Variants in PGGT1B observed in about 807,000 individuals in gnomAD.
PGGT1B encodes the protein protein geranylgeranyltransferase type I subunit beta.
PGGT1B carries 30 observed loss-of-function variants against 46.1 expected under a neutral mutation model. The ratio of observed to expected loss-of-function variants is 0.65; its 90% CI spans 0.49 to 0.88. PGGT1B has a LOEUF of 0.88. PGGT1B is among the 40% of genes least tolerant of loss of function. The probability of loss-of-function intolerance (pLI) is 0.00; values close to 1 mark genes in which losing one functional copy is unlikely to be tolerated. For missense variants in PGGT1B, 376 were observed against 455.9 expected, an observed-to-expected ratio of 0.82 and a Z score of 1.60; for synonymous variants, 170 against 160.0, an observed-to-expected ratio of 1.06 and a Z score of -0.47.
intron 8 of PGGT1B, among the ~76,000 whole-genome samples, chr5:115,213,536 C>T (rs988706678): frequency 7.9e-5 from 12 of 152,040 alleles, no homozygotes; most frequent in Admixed American, 5.9e-4. Context: ...TTTGGGAGGC[C>T]GAGAAGGGCA....
At position 115,216,854 on chromosome 5, in the gene PGGT1B, A is replaced by T; in HGVS notation, c.952+11T>A. 7.3e-7 allele frequency: 1 copy of T among 1,360,992 alleles called. No individual in the cohort carries two copies. Among genetic ancestry groups the T allele is most frequent in the Non-Finnish European group, 1.0e-6 (1 of 953,248 alleles). 84.3% of individuals were successfully genotyped at this position (1,360,992 alleles called of 1,614,324 possible). A position where few individuals can be genotyped will look rare whatever the true frequency, so the allele number is the denominator to read the frequency against. On this transcript the variant is annotated intron_variant, in intron 8 of 8. Transcript: ENST00000419445. ...ATAAAGGTTGTTCTGATTCACAAAG[A>T]AAATAATTACCTGGATGACTGTCTG...
chr5:115,222,030 C>A, intron 6 of PGGT1B, 22 bp from the exon 7 acceptor site: 2 of 1,443,034 alleles, frequency 1.4e-6, no homozygotes, highest in Non-Finnish European at 1.8e-6. Context: ...AACCACACAA[C>A]GTTTTAAACT....
At chr5:115,257,219 GAAC>G (rs1748357582) in intron 1 of PGGT1B, among the ~76,000 whole-genome samples, 1 of 151,922 alleles carries the variant, frequency 6.6e-6, no homozygotes, top group African/African-American at 2.4e-5. Flanking sequence ...GATTAAATAA[GAAC>G]AACAAGAAGG....
At chr5:115,253,283 C>G in intron 1 of PGGT1B, 28 bp from the exon 2 acceptor site, 2 of 1,551,602 alleles carry the variant, frequency 1.3e-6, no homozygotes, top group Non-Finnish European at 1.7e-6. Flanking sequence ...AAAATTCCAT[C>G]TTAACTATCA....
rs575900315 is a variant in PGGT1B at position 115,210,619 on chromosome 5, G to A, written c.*1783C>T. 1 of 152,088 alleles carries A rather than the reference G, an allele frequency of 6.6e-6. No homozygotes were observed. Among genetic ancestry groups the A allele is most frequent in the East Asian group, 1.9e-4 (1 of 5,172 alleles). 9.4% of individuals were successfully genotyped at this position (152,088 alleles called of 1,614,324 possible). A position where few individuals can be genotyped will look rare whatever the true frequency, so the allele number is the denominator to read the frequency against. On this transcript the variant is annotated 3_prime_UTR_variant, in exon 9 of 9. Coordinates refer to ENST00000419445, the MANE Select transcript of PGGT1B (RefSeq NM_005023.4). Reference sequence around the variant, plus strand: ...ATTGGAATTTTTCTCTAACATTTATGAATAAAATCACTGTTACTACCTTTA... The same window carrying A: ...ATTGGAATTTTTCTCTAACATTTATAAATAAAATCACTGTTACTACCTTTA...
Position 115,253,155 on chromosome 5 carries a change from C to A in PGGT1B, c.241G>T (p.Val81Phe). 1 of 1,603,938 alleles carries A rather than the reference C, an allele frequency of 6.2e-7. No individual in the cohort carries two copies. Among genetic ancestry groups the A allele is most frequent in the Non-Finnish European group, 8.5e-7 (1 of 1,176,404 alleles). The part of the protein sequence containing the change: ...DIIEWIYSLQ[V>F]LPTEDRSNLN... The stretch of plus-strand genomic sequence containing the variant: ...CACTCACTGTCTTCTGTGGGAAGGA[C>A]CTGCAGGGAATAAATCCACTCTATT... The change falls in exon 2 of 9, where the codon GTC becomes TTC. Residue 81 changes from valine to phenylalanine, a missense_variant. This residue lies in a region of PGGT1B where 154 missense variants were observed against 142.3 expected (regional missense o/e 1.08). Coordinates refer to ENST00000419445, the MANE Select transcript of PGGT1B (RefSeq NM_005023.4).
intron 1 of PGGT1B, among the ~76,000 whole-genome samples, chr5:115,262,208 A>T (rs944284751): frequency 6.6e-6 from 1 of 152,190 alleles, no homozygotes; most frequent in African/African-American, 2.4e-5. Flanking sequence ...TTCACGCAAC[A>T]CCACACCTCT....
intron 5 of PGGT1B, among the ~76,000 whole-genome samples, chr5:115,233,640 G>T (rs1255199284): frequency 6.6e-6 from 1 of 150,582 alleles, no homozygotes; most frequent in African/African-American, 2.4e-5. Context: ...GATTTGTATG[G>T]CCCTCGAGTT....
intron 5 of PGGT1B, among the ~76,000 whole-genome samples, chr5:115,234,590 A>G (rs1397189669): frequency 1.3e-5 from 2 of 152,194 alleles, no homozygotes; most frequent in East Asian, 3.9e-4. Flanking sequence ...TGGTACTTCA[A>G]ACAGATAACA....
chr5:115,250,813 C>T (rs1458185931), intron 2 of PGGT1B, among the ~76,000 whole-genome samples: 1 of 152,148 alleles, frequency 6.6e-6, no homozygotes, highest in Non-Finnish European at 1.5e-5. Flanking sequence ...CCTTCTAGTA[C>T]TCCCCAAATG....
intron 5 of PGGT1B, among the ~76,000 whole-genome samples, chr5:115,234,044 T>C (rs191910257): frequency 8.6e-5 from 13 of 151,878 alleles, no homozygotes; most frequent in Admixed American, 2.6e-4. Context: ...AAATGTAGAA[T>C]AGCTGAAAAA....
intron 8 of PGGT1B, among the ~76,000 whole-genome samples, chr5:115,215,013 G>C (rs1756369534): frequency 6.6e-6 from 1 of 152,136 alleles, no homozygotes; most frequent in South Asian, 2.1e-4. Flanking sequence ...CTGATTGATT[G>C]ATTGAGACAG....
intron 4 of PGGT1B, 126 bp downstream of exon 4, chr5:115,237,732 C>G (rs1476612897): frequency 3.0e-6 from 2 of 676,906 alleles, no homozygotes; most frequent in Non-Finnish European, 4.6e-6. Context: ...TTATGTACCT[C>G]GTAAGCTTTA....
chr5:115,243,594 C>T (rs1411430410), intron 2 of PGGT1B, among the ~76,000 whole-genome samples: 1 of 152,190 alleles, frequency 6.6e-6, no homozygotes, highest in Non-Finnish European at 1.5e-5. Flanking sequence ...GTTGCCATAA[C>T]ATATTACCAC....
chr5:115,224,681 G>A (rs75744626), intron 6 of PGGT1B, among the ~76,000 whole-genome samples: 16,178 of 151,996 alleles, frequency 0.11, 1,529 homozygotes, highest in East Asian at 0.52. Context: ...ACCAGCCTGG[G>A]CAACATAAGG....
intron 4 of PGGT1B, 47 bp downstream of exon 4, chr5:115,237,811 A>G (rs772708405): frequency 6.5e-7 from 1 of 1,534,148 alleles, no homozygotes; most frequent in South Asian, 1.2e-5. Flanking sequence ...TTTAGTTCCA[A>G]TATATTTTTG....
intron 2 of PGGT1B, among the ~76,000 whole-genome samples, chr5:115,242,819 T>TA (rs1757388044): frequency 6.6e-6 from 1 of 152,038 alleles, no homozygotes; most frequent in African/African-American, 2.4e-5. Context: ...ATACAAAACT[T>TA]AGATGGGTGT....
rs1561466065 is a variant in PGGT1B, at chr5:115,209,521, A to C, written c.*2881T>G. On this transcript the variant is annotated 3_prime_UTR_variant, in exon 9 of 9. Transcript: ENST00000419445. ...CTTCTACTTCCTCCCACAGATACTG[A>C]AACTATGTGGTTCAGTGGTTTGTCC... is the stretch of plus-strand genomic sequence containing the variant. The C allele has an allele frequency of 1.3e-5, 2 of 152,074 alleles. No individual in the cohort carries two copies. The allele number at this position is 152,074 out of a possible 1,614,324, so 9.4% of individuals were successfully genotyped here.
intron 6 of PGGT1B, among the ~76,000 whole-genome samples, chr5:115,225,091 T>C (rs1001479652): frequency 4.6e-5 from 7 of 152,166 alleles, no homozygotes; most frequent in African/African-American, 1.7e-4. Context: ...ATTATAATGA[T>C]TTGAATTCAT....
Sources: gnomAD v4.1 joint callset for allele counts (sites outside exome capture counted in the v4.1 genomes callset) on GRCh38, gnomAD v4.1.1 for gene constraint, gnomAD v4.1.1 regional missense constraint, MANE v1.5 for transcripts, NCBI Gene and HGNC (gene_info 2026-07-23, HGNC 2026-07-21) for gene names.